The following STXBP4 variants were observed in gnomAD, a reference collection of about 807,000 sequenced individuals.
STXBP4 encodes syntaxin-binding protein 4.
Under a neutral mutation model 76.1 loss-of-function variants are expected in STXBP4, and 55 were observed. The observed-to-expected ratio is 0.72, with a 90% CI of 0.58 to 0.91. The LOEUF is 0.91. Among genes scored for constraint, STXBP4 ranks in the 40% least tolerant of loss-of-function variants. STXBP4 has a pLI of 0.00. For synonymous variants in STXBP4, 201 were observed against 220.2 expected, an observed-to-expected ratio of 0.91 and a Z score of 0.77; for missense variants, 618 against 636.9, an observed-to-expected ratio of 0.97 and a Z score of 0.32.
At chr17:54,986,034 G>T in intron 2 of STXBP4, 108 bp from the exon 3 acceptor site, 1 of 606,992 alleles carries the variant, frequency 1.6e-6, no homozygotes. Flanking sequence ...CTATATACAG[G>T]CTTATATTAT....
intron 1 of STXBP4, among the ~76,000 whole-genome samples, chr17:54,974,331 C>T (rs2077439173): frequency 6.6e-6 from 1 of 152,214 alleles, no homozygotes; most frequent in African/African-American, 2.4e-5. Context: ...GCAGGGTAAT[C>T]ATTGTTTTCC....
At chr17:55,071,129 C>G (rs2079114340) in intron 12 of STXBP4, among the ~76,000 whole-genome samples, 1 of 152,134 alleles carries the variant, frequency 6.6e-6, no homozygotes, top group Non-Finnish European at 1.5e-5. Flanking sequence ...CACCCTTGCC[C>G]ACCATCTACA....
chr17:55,072,375 C>T (rs1351904194), intron 12 of STXBP4, among the ~76,000 whole-genome samples: 1 of 152,134 alleles, frequency 6.6e-6, no homozygotes, highest in African/African-American at 2.4e-5. Flanking sequence ...ATGTACTTTG[C>T]TACTAAATGC....
chr17:55,124,712 C>T (rs1010796376), intron 16 of STXBP4, among the ~76,000 whole-genome samples: 2 of 152,184 alleles, frequency 1.3e-5, no homozygotes, highest in Non-Finnish European at 2.9e-5. Context: ...GCTGCCATAA[C>T]AAAATATCAC....
intron 12 of STXBP4, among the ~76,000 whole-genome samples, chr17:55,054,938 G>T (rs1211863521): frequency 6.6e-6 from 1 of 152,012 alleles, no homozygotes; most frequent in Non-Finnish European, 1.5e-5. Flanking sequence ...TGAAAATCAT[G>T]GCATAAAAGG....
intron 17 of STXBP4, among the ~76,000 whole-genome samples, chr17:55,151,629 G>T (rs2080218393): frequency 6.6e-6 from 1 of 152,140 alleles, no homozygotes; most frequent in East Asian, 1.9e-4. Context: ...TCATTTCAAA[G>T]ACTAAAAATT....
At chr17:55,104,235 C>T (rs1286754802) in intron 16 of STXBP4, among the ~76,000 whole-genome samples, 1 of 152,064 alleles carries the variant, frequency 6.6e-6, no homozygotes, top group Admixed American at 6.6e-5. Flanking sequence ...CAGCTTTTGC[C>T]CATTCAGTAT....
intron 16 of STXBP4, among the ~76,000 whole-genome samples, chr17:55,117,308 T>C (rs1189683978): frequency 6.6e-6 from 1 of 151,920 alleles, no homozygotes; most frequent in Non-Finnish European, 1.5e-5. Flanking sequence ...TGTTAAGTGA[T>C]GTGACAGATT....
At chr17:55,055,133 G>A (rs1198101501) in intron 12 of STXBP4, among the ~76,000 whole-genome samples, 2 of 152,116 alleles carry the variant, frequency 1.3e-5, no homozygotes, top group East Asian at 1.9e-4. Context: ...TACTAGTTTT[G>A]ACATGTATTC....
At chr17:55,137,016 C>T (rs550248092) in intron 16 of STXBP4, among the ~76,000 whole-genome samples, 4 of 152,054 alleles carry the variant, frequency 2.6e-5, no homozygotes, top group Non-Finnish European at 5.9e-5. Context: ...GGGTATCATG[C>T]TAACCCCCTA....
At chr17:55,109,007 T>G (rs1009934557) in intron 16 of STXBP4, among the ~76,000 whole-genome samples, 4 of 152,196 alleles carry the variant, frequency 2.6e-5, no homozygotes, top group African/African-American at 9.7e-5. Context: ...ACATCCCCCA[T>G]TGCTTTTACT....
At chr17:55,030,123 G>A (rs1389394365) in intron 8 of STXBP4, among the ~76,000 whole-genome samples, 1 of 152,152 alleles carries the variant, frequency 6.6e-6, no homozygotes, top group Non-Finnish European at 1.5e-5. Flanking sequence ...CAAAATAACA[G>A]TAGTTTCCTT....
chr17:54,997,857 G>C (rs2077840729), intron 4 of STXBP4, among the ~76,000 whole-genome samples: 1 of 150,292 alleles, frequency 6.7e-6, no homozygotes, highest in Non-Finnish European at 1.5e-5. Context: ...CAAAGTGTTG[G>C]GTGTACAGAT....
the STXBP4 span, among the ~76,000 whole-genome samples, chr17:55,186,603 T>A: frequency 6.6e-6 from 1 of 152,178 alleles, no homozygotes; most frequent in Non-Finnish European, 1.5e-5. Context: ...GGCAGCTGAG[T>A]TGAAGATCAA....
At chr17:55,202,045 C>T in the STXBP4 span, among the ~76,000 whole-genome samples, 2 of 151,888 alleles carry the variant, frequency 1.3e-5, no homozygotes, top group Admixed American at 1.3e-4. Flanking sequence ...TATATCAGTA[C>T]AATAATTTAC....
At chr17:55,088,952 A>G (rs1036101373) in intron 16 of STXBP4, among the ~76,000 whole-genome samples, 6 of 152,234 alleles carry the variant, frequency 3.9e-5, no homozygotes, top group African/African-American at 1.4e-4. Flanking sequence ...GGAAGGAAGC[A>G]GCAGTTTGAA....
intron 1 of STXBP4, among the ~76,000 whole-genome samples, chr17:54,978,342 T>TATATGTACTATGTA (rs143484109): frequency 0.28 from 42,017 of 151,306 alleles, 6,068 homozygotes; most frequent in African/African-American, 0.35. Context: ...AAACATGAAA[T>TATATGTACTATGTA]ATATGTACTA....
chr17:55,005,198 TC>T (rs773955577), intron 7 of STXBP4, among the ~76,000 whole-genome samples: 4 of 152,228 alleles, frequency 2.6e-5, no homozygotes, highest in Non-Finnish European at 4.4e-5. Context: ...TTGTTGATCT[TC>T]TAACTCCTAT....
At chr17:55,085,247 T>A (rs1212867298) in intron 16 of STXBP4, among the ~76,000 whole-genome samples, 1 of 152,176 alleles carries the variant, frequency 6.6e-6, no homozygotes, top group Non-Finnish European at 1.5e-5. Context: ...GTGGGAGATA[T>A]ACCTAATGCT....
Sources: allele counts gnomAD v4.1 joint callset (sites outside exome capture counted in the v4.1 genomes callset), GRCh38; gene constraint gnomAD v4.1.1; transcripts MANE v1.5; gene names NCBI Gene and HGNC (gene_info 2026-07-23, HGNC 2026-07-21).